Variants in PTPRE observed in about 807,000 individuals in gnomAD.
PTPRE encodes protein tyrosine phosphatase receptor type E.
In PTPRE, 51 loss-of-function variants were observed where a neutral mutation model predicts 102.0. The observed-to-expected ratio is 0.50, with a 90% CI of 0.40 to 0.63. The LOEUF (loss-of-function observed/expected upper bound fraction) is 0.63. PTPRE is among the 30% of genes least tolerant of loss of function. The pLI, the probability that PTPRE is intolerant of heterozygous loss-of-function variation, is 0.00. For missense variants in PTPRE, 752 were observed against 915.1 expected (o/e 0.82, Z 2.30); for synonymous variants, 345 against 348.2 (o/e 0.99, Z 0.10).
intron 2 of PTPRE, among the ~76,000 whole-genome samples, chr10:128,027,134 G>A (rs1846344496): frequency 6.6e-6 from 1 of 152,224 alleles, no homozygotes. Context: ...GTATTAGCAG[G>A]CAATGAGGTG....
intron 1 of PTPRE, among the ~76,000 whole-genome samples, chr10:127,961,886 GGAAT>G (rs1303611790): frequency 3.9e-5 from 6 of 152,222 alleles, no homozygotes; most frequent in African/African-American, 1.4e-4. Context: ...AGGTGCCTGT[GGAAT>G]GAATGAATGA....
chr10:128,034,538 A>AT (rs1564907596), intron 2 of PTPRE, among the ~76,000 whole-genome samples: 1 of 152,022 alleles, frequency 6.6e-6, no homozygotes, highest in African/African-American at 2.4e-5. Flanking sequence ...TACGAAAAAA[A>AT]GTCTTAAATT....
At chr10:127,933,619 A>G (rs1451766797) in intron 1 of PTPRE, among the ~76,000 whole-genome samples, 2 of 152,230 alleles carry the variant, frequency 1.3e-5, no homozygotes, top group African/African-American at 4.8e-5. Context: ...TGCAAGCATA[A>G]TCACAAATTA....
chr10:127,942,810 G>C (rs1269821372), intron 1 of PTPRE, among the ~76,000 whole-genome samples: 1 of 152,192 alleles, frequency 6.6e-6, no homozygotes, highest in Non-Finnish European at 1.5e-5. Context: ...TGGTTGCACA[G>C]CAGTGTAAAT....
chr10:128,009,640 C>A (rs542999537), intron 2 of PTPRE, among the ~76,000 whole-genome samples: 5 of 152,180 alleles, frequency 3.3e-5, no homozygotes, highest in Admixed American at 3.3e-4. Flanking sequence ...GAGCTCGGGT[C>A]GTCCTGAACT....
At chr10:127,920,765 C>T (rs930650729) in intron 1 of PTPRE, among the ~76,000 whole-genome samples, 1 of 152,192 alleles carries the variant, frequency 6.6e-6, no homozygotes, top group Admixed American at 6.5e-5. Context: ...TTCATAGGGG[C>T]GTTGACTTAC....
chr10:128,033,836 G>C (rs1255130544), intron 2 of PTPRE, among the ~76,000 whole-genome samples: 1 of 152,114 alleles, frequency 6.6e-6, no homozygotes, highest in Non-Finnish European at 1.5e-5. Context: ...GTAGAGGCGG[G>C]GTTTTGCCAT....
intron 1 of PTPRE, among the ~76,000 whole-genome samples, chr10:127,971,863 T>G (rs1329452139): frequency 1.3e-5 from 2 of 152,200 alleles, no homozygotes; most frequent in Non-Finnish European, 2.9e-5. Flanking sequence ...CTTAGCACTT[T>G]CAGACCTCAG....
intron 2 of PTPRE, among the ~76,000 whole-genome samples, chr10:128,018,643 C>T (rs1845625423): frequency 1.3e-5 from 2 of 152,188 alleles, no homozygotes; most frequent in African/African-American, 4.8e-5. Flanking sequence ...CAGCCTCCAT[C>T]TCCTCTGCGA....
At chr10:128,073,533 C>T (rs1429699832) in intron 17 of PTPRE, 62 bp downstream of exon 17, 6 of 1,551,472 alleles carry the variant, frequency 3.9e-6, no homozygotes, top group Non-Finnish European at 4.4e-6. Context: ...GCACTGTCCC[C>T]GTTCATTACA....
intron 1 of PTPRE, among the ~76,000 whole-genome samples, chr10:127,942,954 A>C (rs903888009): frequency 6.6e-6 from 1 of 152,194 alleles, no homozygotes; most frequent in African/African-American, 2.4e-5. Context: ...TCATAAAACC[A>C]TGGCACTGTT....
chr10:127,927,248 G>GT (rs2135214557), intron 1 of PTPRE, among the ~76,000 whole-genome samples: 1 of 152,236 alleles, frequency 6.6e-6, no homozygotes, highest in South Asian at 2.1e-4. Flanking sequence ...GAACAGTAGC[G>GT]TATTTCTCCA....
At chr10:128,074,678 A>T (rs919640181) in intron 17 of PTPRE, among the ~76,000 whole-genome samples, 1 of 152,150 alleles carries the variant, frequency 6.6e-6, no homozygotes, top group East Asian at 1.9e-4. Context: ...AAAAAAAAAA[A>T]AAAGTTTCTT....
chr10:128,015,727 C>CT (rs140201336), intron 2 of PTPRE, among the ~76,000 whole-genome samples: 1,607 of 152,238 alleles, frequency 0.011, 35 homozygotes, highest in African/African-American at 0.037. Context: ...CAGCTACTCA[C>CT]TTGGGCCCTG....
chr10:127,951,586 G>A (rs771466965), intron 1 of PTPRE, among the ~76,000 whole-genome samples: 3 of 152,266 alleles, frequency 2.0e-5, no homozygotes, highest in East Asian at 3.9e-4. Flanking sequence ...CCCATCCAGC[G>A]GTCATTCCCC....
chr10:127,916,639 C>T (rs1048780275), intron 1 of PTPRE, among the ~76,000 whole-genome samples: 13 of 152,106 alleles, frequency 8.5e-5, no homozygotes, highest in African/African-American at 9.7e-5. Context: ...CAGTAGGAAG[C>T]GGTGTGTCCT....
At chr10:127,938,729 A>G (rs1848008592) in intron 1 of PTPRE, among the ~76,000 whole-genome samples, 1 of 152,146 alleles carries the variant, frequency 6.6e-6, no homozygotes, top group African/African-American at 2.4e-5. Flanking sequence ...GTGTAAATTG[A>G]TAAAATTAGT....
chr10:128,047,393 C>T lies in PTPRE; in HGVS notation c.113C>T (p.Pro38Leu), dbSNP rs369732618. The change falls in exon 4 of 21, where the codon CCT becomes CTT. Residue 38 changes from proline (P) to leucine (L), a missense_variant. Transcript: ENST00000254667. ...GGTCTTTCTGCTTCTCCTGCAGGCC[C>T]TCCGGACCCGGGCGCCTCCCAGCCG... ...DSNETTTTSG[P>L]PDPGASQPLL... 9 of 1,612,640 alleles carry T rather than the reference C, an allele frequency of 5.6e-6. No homozygotes were observed. Among genetic ancestry groups the T allele is most frequent in the Non-Finnish European group, 7.6e-6 (9 of 1,179,834 alleles).
intron 1 of PTPRE, among the ~76,000 whole-genome samples, chr10:127,912,096 G>A (rs1014788084): frequency 6.6e-6 from 1 of 152,126 alleles, no homozygotes; most frequent in African/African-American, 2.4e-5. Flanking sequence ...CTGGGCTCTG[G>A]CTGCTGTTTT....
Sources: allele counts gnomAD v4.1 joint callset (sites outside exome capture counted in the v4.1 genomes callset), GRCh38; gene constraint gnomAD v4.1.1; transcripts MANE v1.5; gene names NCBI Gene and HGNC (gene_info 2026-07-23, HGNC 2026-07-21).